DYSF: variants seen among roughly 807,000 people sequenced by gnomAD.
DYSF encodes dysferlin.
DYSF carries 212 observed loss-of-function variants against 274.9 expected under a neutral mutation model. The ratio of observed to expected loss-of-function variants is 0.77; its 90% CI spans 0.69 to 0.86. DYSF has a LOEUF of 0.86. DYSF is among the 40% of genes least tolerant of loss of function. The pLI is 0.00. For missense variants in DYSF, 2,666 were observed against 2,783.2 expected, an observed-to-expected ratio of 0.96 and a Z score of 0.95; for synonymous variants, 1,091 against 1,078.7, an observed-to-expected ratio of 1.01 and a Z score of -0.22.
chr2:71,517,519 C>T (rs548522709), intron 10 of DYSF, among the ~76,000 whole-genome samples: 18 of 151,954 alleles, frequency 1.2e-4, no homozygotes, highest in African/African-American at 2.2e-4. Context: ...TTGGTCACAC[C>T]GAGTTCATCC....
intron 33 of DYSF, among the ~76,000 whole-genome samples, chr2:71,600,303 A>C (rs1183325032): frequency 6.6e-6 from 1 of 152,228 alleles, no homozygotes; most frequent in African/African-American, 2.4e-5. Flanking sequence ...TTTAAGGGTG[A>C]AATGAGCAGG....
intron 41 of DYSF, among the ~76,000 whole-genome samples, chr2:71,631,016 T>G (rs116660130): frequency 0.013 from 1,987 of 152,340 alleles, 26 homozygotes; most frequent in Non-Finnish European, 0.022. Flanking sequence ...CATGGTCTAA[T>G]TCTCTAAGGG....
rs1052341342 is a variant in DYSF at position 71,620,601 on chromosome 2, A to C, written c.4519A>C (p.Ser1507Arg). ...CACTAACACGGCTTCTCCTCCATCC[A>C]GTCCTCATGTATGTACTGTTTACTT... ...APTNTASPPS[S>R]PHEEEFIDWW... Residue 1507 changes from serine (S) to arginine (R), a missense_variant, in exon 41 of 56, where the codon AGT (serine) becomes CGT (arginine). Physicochemically the swap from Ser to Arg is moderately radical, Grantham distance 110. This residue lies in a region of DYSF where 1,460 missense variants were observed against 1,502.1 expected (regional missense o/e 0.97). Transcript: ENST00000410020. 5.2e-6 allele frequency: 8 copies of C among 1,540,506 alleles called. No homozygotes were observed. The highest frequency in any genetic ancestry group is 6.1e-6 in the Non-Finnish European group (7 of 1,140,826).
At position 71,551,675 on chromosome 2, in the gene DYSF, A is replaced by C; in HGVS notation, c.1761A>C (p.Glu587Asp). 1 of 1,610,758 alleles carries C rather than the reference A, an allele frequency of 6.2e-7. No homozygotes were observed. The highest frequency in any genetic ancestry group is 8.5e-7 in the Non-Finnish European group (1 of 1,179,420). The change falls in exon 19 of 56, where the codon GAA (glutamate) becomes GAC (aspartate). Residue 587 changes from glutamate (E) to aspartate (D), a missense_variant. By Grantham distance (45) the Glu-to-Asp change is conservative (BLOSUM62 2). Around this residue, in one of 3 missense-constraint regions of DYSF, gnomAD observed 794 missense variants for 777.1 expected, o/e 1.02. Coordinates refer to ENST00000410020, the MANE Select transcript of DYSF (RefSeq NM_001130987.2). ...SLETKLVEHSEQKVEDLPADD... is the reference protein window; with the variant it reads ...SLETKLVEHSDQKVEDLPADD... Reference sequence around the variant, plus strand: ...AGACCAAGCTGGTGGAGCACAGTGAACAGAAGGTGGAGGACCTTCCTGCGG... The same window carrying C: ...AGACCAAGCTGGTGGAGCACAGTGACCAGAAGGTGGAGGACCTTCCTGCGG...
Position 71,515,647 on chromosome 2 carries a change from C to A in DYSF, c.784C>A (p.Arg262Ser). Residue 262 changes from arginine to serine, a missense_variant, in exon 8 of 56, where the codon CGC becomes AGC. Arg to Ser is a moderately radical substitution (Grantham distance 110). This residue lies in a region of DYSF where 794 missense variants were observed against 777.1 expected (regional missense o/e 1.02). Transcript: ENST00000410020. ...GATCAGGGTCCAGGTGATCGAGGGGCGCCAGCTGCCGGGGGTGAACATCAA... is the reference window on the plus strand; with the variant it reads ...GATCAGGGTCCAGGTGATCGAGGGGAGCCAGCTGCCGGGGGTGAACATCAA... ...FQIRVQVIEG[R>S]QLPGVNIKPV... 1 of 1,613,982 alleles carries A rather than the reference C, an allele frequency of 6.2e-7. No homozygotes were observed. Among genetic ancestry groups the A allele is most frequent in the Non-Finnish European group, 8.5e-7 (1 of 1,179,942 alleles).
At chr2:71,500,606 G>A (rs1300404189) in intron 3 of DYSF, among the ~76,000 whole-genome samples, 1 of 152,076 alleles carries the variant, frequency 6.6e-6, no homozygotes, top group African/African-American at 2.4e-5. Context: ...ACCCACTTCC[G>A]GGAATTCTCC....
chr2:71,553,234 G>A, intron 20 of DYSF, 46 bp downstream of exon 20: 1 of 1,612,080 alleles, frequency 6.2e-7, no homozygotes, highest in Non-Finnish European at 8.5e-7. Context: ...GGATCATAGA[G>A]CAGGGGGCCA....
intron 12 of DYSF, among the ~76,000 whole-genome samples, chr2:71,525,574 G>A (rs1559077393): frequency 6.6e-6 from 1 of 152,178 alleles, no homozygotes; most frequent in African/African-American, 2.4e-5. Context: ...ATTCAAGGGA[G>A]GGGTGCTATG....
chr2:71,681,419 C>A (rs1304415415), intron 54 of DYSF, among the ~76,000 whole-genome samples: 1 of 152,162 alleles, frequency 6.6e-6, no homozygotes, highest in East Asian at 1.9e-4. Context: ...TGTTATTATC[C>A]CCATTTTACA....
intron 55 of DYSF, among the ~76,000 whole-genome samples, chr2:71,686,046 C>A (rs1372580892): frequency 6.6e-6 from 1 of 152,184 alleles, no homozygotes; most frequent in Non-Finnish European, 1.5e-5. Flanking sequence ...CTGGGCCCCA[C>A]CTTCAGCACC....
At position 71,511,778 on chromosome 2, in the gene DYSF, A is replaced by G. The variant is rs115902581; in HGVS notation, c.346-29A>G. The G allele has an allele frequency of 1.9e-3, 2,653 of 1,394,420 alleles. 36 individuals are homozygous for G. The African/African-American group carries it at 0.033, about 17-fold the overall frequency. The allele number at this position is 1,394,420 out of a possible 1,614,324, so 86.4% of individuals were successfully genotyped here. A position where few individuals can be genotyped will look rare whatever the true frequency, so the allele number is the denominator to read the frequency against. On this transcript the variant is annotated intron_variant, in intron 4 of 55. Transcript: ENST00000410020. Reference sequence around the variant, plus strand: ...GCAGTGGTCCGAGGCCAGCGCACCAACCTGTCCCCCACGTCTCATCTCTTC... The same window carrying G: ...GCAGTGGTCCGAGGCCAGCGCACCAGCCTGTCCCCCACGTCTCATCTCTTC...
chr2:71,453,618 CCAT>C (rs1332290068), exon 1 of DYSF: 2 of 340,332 alleles, frequency 5.9e-6, no homozygotes, highest in African/African-American at 4.3e-5. Context: ...CAGCCCCCGG[CCAT>C]CGCGGCCGCC....
intron 17 of DYSF, among the ~76,000 whole-genome samples, chr2:71,545,741 C>A (rs2090418133): frequency 6.6e-6 from 1 of 152,148 alleles, no homozygotes; most frequent in Non-Finnish European, 1.5e-5. Flanking sequence ...CCGTGCCTAC[C>A]ACCAGCCCCC....
intron 45 of DYSF, among the ~76,000 whole-genome samples, chr2:71,663,775 A>G (rs1410073963): frequency 6.6e-6 from 1 of 152,218 alleles, no homozygotes; most frequent in East Asian, 1.9e-4. Context: ...AGCAGGTCCC[A>G]GGCCTGGAGT....
chr2:71,658,810 G>C (rs1388226007), intron 43 of DYSF, 68 bp from the exon 44 acceptor site: 2 of 1,595,986 alleles, frequency 1.3e-6, no homozygotes, highest in Non-Finnish European at 1.7e-6. Flanking sequence ...TGAGATTTGG[G>C]TGGGGACACA....
At chr2:71,637,530 C>T (rs550328772) in intron 41 of DYSF, among the ~76,000 whole-genome samples, 15 of 152,114 alleles carry the variant, frequency 9.9e-5, no homozygotes, top group South Asian at 8.3e-4. Flanking sequence ...GGAGAAGGGG[C>T]GAGTAAAGGG....
intron 55 of DYSF, among the ~76,000 whole-genome samples, chr2:71,685,495 G>A (rs968612096): frequency 5.9e-5 from 9 of 152,206 alleles, no homozygotes; most frequent in Non-Finnish European, 1.2e-4. Context: ...ATGAGGGCCG[G>A]GCCCTGGTGA....
intron 22 of DYSF, among the ~76,000 whole-genome samples, chr2:71,560,930 A>G (rs2091709201): frequency 6.6e-6 from 1 of 152,122 alleles, no homozygotes; most frequent in African/African-American, 2.4e-5. Flanking sequence ...CCGCTTGGTT[A>G]GGGAGTGCAC....
intron 41 of DYSF, among the ~76,000 whole-genome samples, chr2:71,642,025 A>G (rs1239110202): frequency 6.6e-6 from 1 of 152,166 alleles, no homozygotes; most frequent in Non-Finnish European, 1.5e-5. Flanking sequence ...TATTCAGACT[A>G]TCTGTCTCTA....
Sources: allele counts gnomAD v4.1 joint callset (sites outside exome capture counted in the v4.1 genomes callset), GRCh38; gene constraint gnomAD v4.1.1; regional missense constraint gnomAD v4.1.1; transcripts MANE v1.5; gene names NCBI Gene and HGNC (gene_info 2026-07-23, HGNC 2026-07-21).